Variants in EXOC4 observed in about 807,000 individuals in gnomAD.
The protein encoded by EXOC4 is exocyst complex component 4, also known as SEC8-like 1.
EXOC4 carries 71 observed loss-of-function variants against 107.2 expected under a neutral mutation model. The observed-to-expected ratio is 0.66, with a 90% CI of 0.55 to 0.81. EXOC4 has a LOEUF of 0.81. Among genes scored for constraint, EXOC4 ranks in the 30% least tolerant of loss-of-function variants. The pLI is 0.00. For synonymous variants in EXOC4, 456 were observed against 441.2 expected (o/e 1.03, Z -0.42); for missense variants, 1,108 against 1,189.6 (o/e 0.93, Z 1.01).
chr7:133,680,524 G>T (rs900095063), intron 10 of EXOC4, among the ~76,000 whole-genome samples: 3 of 152,120 alleles, frequency 2.0e-5, no homozygotes, highest in Non-Finnish European at 4.4e-5. Flanking sequence ...ATTACTTTTT[G>T]CAGTTCCCAG....
chr7:133,349,407 G>A (rs997209165), intron 5 of EXOC4, among the ~76,000 whole-genome samples: 3 of 152,090 alleles, frequency 2.0e-5, no homozygotes, highest in African/African-American at 7.2e-5. Context: ...GAAACATACA[G>A]TATTTGTCTT....
chr7:133,441,632 A>G (rs1584920300), intron 7 of EXOC4, among the ~76,000 whole-genome samples: 1 of 152,092 alleles, frequency 6.6e-6, no homozygotes, highest in East Asian at 1.9e-4. Flanking sequence ...GCATCAAGCA[A>G]TTCACCCACC....
intron 9 of EXOC4, among the ~76,000 whole-genome samples, chr7:133,539,092 A>G (rs1800333084): frequency 6.6e-6 from 1 of 151,952 alleles, no homozygotes; most frequent in Non-Finnish European, 1.5e-5. Context: ...TACCTGTGGT[A>G]TGCTTAAGCC....
At chr7:134,072,720 T>C in the EXOC4 span, among the ~76,000 whole-genome samples, 6 of 152,300 alleles carry the variant, frequency 3.9e-5, no homozygotes, top group African/African-American at 1.4e-4. Context: ...ATCTTTGAAA[T>C]GGGATAACAG....
At chr7:133,317,736 T>C (rs1435887055) in intron 5 of EXOC4, among the ~76,000 whole-genome samples, 7 of 151,880 alleles carry the variant, frequency 4.6e-5, no homozygotes, top group Admixed American at 3.9e-4. Context: ...GGCTGGAGTG[T>C]AGTGGCACGA....
chr7:134,084,131 G>T, the EXOC4 span, among the ~76,000 whole-genome samples: 9 of 152,202 alleles, frequency 5.9e-5, no homozygotes, highest in Admixed American at 5.2e-4. Flanking sequence ...GATGTAATCA[G>T]CCTGGAAACA....
At chr7:133,855,299 TCTAAACCAGAAAACGAACTTAGTTCC>T (rs2116294148) in intron 11 of EXOC4, among the ~76,000 whole-genome samples, 1 of 151,112 alleles carries the variant, frequency 6.6e-6, no homozygotes, top group Admixed American at 6.6e-5. Flanking sequence ...AATCTACTAA[TCTAAACCAGAAAACGAACTTAGTTCC>T]ACAGCAGATT....
intron 13 of EXOC4, 120 bp from the exon 14 acceptor site, chr7:133,937,771 G>C (rs1319217218): frequency 6.7e-6 from 6 of 896,924 alleles, no homozygotes; most frequent in Non-Finnish European, 1.0e-5. Flanking sequence ...CTAGGAAAAA[G>C]AGCACGCTGT....
chr7:133,315,214 G>C (rs1423079390), intron 4 of EXOC4: 1 of 152,572 alleles, frequency 6.6e-6, no homozygotes, highest in Non-Finnish European at 1.5e-5. Flanking sequence ...CACACTGTGA[G>C]GTTCCCAATA....
At chr7:133,605,120 G>A (rs1414165144) in intron 9 of EXOC4, among the ~76,000 whole-genome samples, 1 of 152,142 alleles carries the variant, frequency 6.6e-6, no homozygotes, top group Non-Finnish European at 1.5e-5. Flanking sequence ...ATGAAAGAGA[G>A]CAGCGAAATA....
At chr7:133,889,413 A>G (rs1157632549) in intron 11 of EXOC4, among the ~76,000 whole-genome samples, 1 of 148,446 alleles carries the variant, frequency 6.7e-6, no homozygotes, top group African/African-American at 2.5e-5. Flanking sequence ...TATTATTATT[A>G]CTATTATTAT....
chr7:133,781,924 T>G, intron 10 of EXOC4, among the ~76,000 whole-genome samples: 1 of 152,226 alleles, frequency 6.6e-6, no homozygotes, highest in East Asian at 1.9e-4. Context: ...CAAAAAAGTT[T>G]TTATTGTGTC....
intron 9 of EXOC4, among the ~76,000 whole-genome samples, chr7:133,518,224 G>C (rs1799916234): frequency 6.6e-6 from 1 of 151,790 alleles, no homozygotes; most frequent in Non-Finnish European, 1.5e-5. Flanking sequence ...TTTGATGGGA[G>C]GTCCTGCAAA....
At chr7:133,407,824 C>T (rs1797257396) in intron 7 of EXOC4, among the ~76,000 whole-genome samples, 1 of 152,086 alleles carries the variant, frequency 6.6e-6, no homozygotes. Context: ...TTGTTGAGCT[C>T]CTAGATTTCT....
chr7:133,487,344 G>A (rs901238054), intron 9 of EXOC4, among the ~76,000 whole-genome samples: 3 of 152,154 alleles, frequency 2.0e-5, no homozygotes, highest in East Asian at 1.9e-4. Context: ...TAAATGAAAC[G>A]TAATGTATTT....
At chr7:133,624,744 C>T (rs550136478) in intron 9 of EXOC4, among the ~76,000 whole-genome samples, 1 of 152,136 alleles carries the variant, frequency 6.6e-6, no homozygotes, top group East Asian at 1.9e-4. Context: ...AGGCATGTAC[C>T]AACAAGCCTG....
At chr7:134,057,512 A>G (rs1198596110) in intron 17 of EXOC4, among the ~76,000 whole-genome samples, 2 of 152,212 alleles carry the variant, frequency 1.3e-5, no homozygotes, top group Admixed American at 6.5e-5. Context: ...AGAATTTTCA[A>G]TCATGTTTGT....
rs77373111 is a variant in EXOC4, at chr7:133,454,810, A to G, written c.1183-20518A>G. Among the ~76,000 whole-genome samples the G allele has an allele frequency of 6.6e-5, 10 of 152,286 alleles. No homozygotes were observed. In the East Asian group the frequency reaches 1.9e-3, roughly 29 times the overall value. On this transcript the variant is annotated intron_variant, in intron 7 of 17. Transcript: ENST00000253861. ...AGAACCACTCTATATACTATGATTA[A>G]GTTATAGGCCAGACACAGTGGCACC...
intron 11 of EXOC4, among the ~76,000 whole-genome samples, chr7:133,873,386 C>T (rs1389264052): frequency 5.3e-5 from 8 of 152,138 alleles, no homozygotes; most frequent in Admixed American, 3.3e-4. Flanking sequence ...CACCTCCCTC[C>T]TAGAGGATGG....
Sources: allele counts gnomAD v4.1 joint callset (sites outside exome capture counted in the v4.1 genomes callset), GRCh38; gene constraint gnomAD v4.1.1; transcripts MANE v1.5; gene names NCBI Gene and HGNC (gene_info 2026-07-23, HGNC 2026-07-21).